The following PIAS2 variants were observed in gnomAD, a reference collection of about 807,000 sequenced individuals.
PIAS2 encodes the protein protein inhibitor of activated STAT 2, also known as E3 SUMO-protein ligase PIAS2.
In PIAS2, 19 loss-of-function variants were observed where a neutral mutation model predicts 69.7. The observed-to-expected ratio is 0.27, with a 90% CI of 0.19 to 0.40. PIAS2 has a LOEUF of 0.40. Among genes scored for constraint, PIAS2 ranks in the 10% least tolerant of loss-of-function variants. The probability of loss-of-function intolerance (pLI) is 1.00; values close to 1 mark genes in which losing one functional copy is unlikely to be tolerated. For synonymous variants in PIAS2, 261 were observed against 263.2 expected (o/e 0.99, Z 0.08); for missense variants, 624 against 757.0 (o/e 0.82, Z 2.06).
chr18:46,824,209 C>T (rs1051198996), intron 11 of PIAS2, among the ~76,000 whole-genome samples: 1 of 152,160 alleles, frequency 6.6e-6, no homozygotes, highest in South Asian at 2.1e-4. Context: ...TTGCATGAAA[C>T]TCACATTTGC....
At chr18:46,846,576 T>A in intron 6 of PIAS2, 131 bp downstream of exon 6, 2 of 906,312 alleles carry the variant, frequency 2.2e-6, no homozygotes, top group South Asian at 2.7e-5. Flanking sequence ...ACCTCTAAAC[T>A]GAAAATTACT....
chr18:46,825,685 T>G (rs549972010), intron 11 of PIAS2, among the ~76,000 whole-genome samples: 26 of 152,368 alleles, frequency 1.7e-4, no homozygotes, highest in African/African-American at 6.3e-4. Context: ...GTATGGATCC[T>G]GGACACTATG....
intron 1 of PIAS2, chr18:46,907,854 C>T (rs1317071357): frequency 6.6e-6 from 1 of 152,098 alleles, no homozygotes; most frequent in Non-Finnish European, 1.5e-5. Flanking sequence ...TAGAACCAAT[C>T]CCCCAGGTAC....
chr18:46,819,519 C>G (rs967748562), intron 12 of PIAS2, among the ~76,000 whole-genome samples: 2 of 152,004 alleles, frequency 1.3e-5, no homozygotes, highest in African/African-American at 4.8e-5. Flanking sequence ...ATTTTATTCA[C>G]ATAATCTAAA....
upstream of PIAS2, chr18:46,920,006 A>G: frequency 8.1e-7 from 1 of 1,227,706 alleles, no homozygotes; most frequent in South Asian, 1.3e-5. Flanking sequence ...AAAGAGGACC[A>G]ACATAAACAC....
chr18:46,868,567 C>T (rs1451889243), intron 2 of PIAS2, among the ~76,000 whole-genome samples: 2 of 152,052 alleles, frequency 1.3e-5, no homozygotes, highest in Non-Finnish European at 2.9e-5. Flanking sequence ...TGCCGTCTGA[C>T]TCCAGCCAAT....
At chr18:46,822,669 CG>C (rs1469156654) in intron 11 of PIAS2, among the ~76,000 whole-genome samples, 1 of 152,070 alleles carries the variant, frequency 6.6e-6, no homozygotes, top group Non-Finnish European at 1.5e-5. Flanking sequence ...AGGGATCAAA[CG>C]AACAGGACAT....
chr18:46,835,358 C>T (rs1258764937), intron 9 of PIAS2, among the ~76,000 whole-genome samples: 1 of 152,088 alleles, frequency 6.6e-6, no homozygotes, highest in East Asian at 1.9e-4. Context: ...TCAAAATAAG[C>T]TAAAAATAAA....
intron 2 of PIAS2, among the ~76,000 whole-genome samples, chr18:46,885,156 T>A (rs2052944350): frequency 6.6e-6 from 1 of 152,134 alleles, no homozygotes; most frequent in Non-Finnish European, 1.5e-5. Context: ...AAATTTTATA[T>A]CAACCCTTTT....
chr18:46,816,478 T>C, intron 12 of PIAS2: 2 of 982,440 alleles, frequency 2.0e-6, no homozygotes, highest in African/African-American at 1.7e-5. Flanking sequence ...CAGATTTTTT[T>C]TTTTTCCTTT....
chr18:46,817,717 T>A (rs1013636148), intron 12 of PIAS2: 1 of 941,276 alleles, frequency 1.1e-6, no homozygotes, highest in African/African-American at 1.8e-5. Context: ...ATATAAAACC[T>A]GTTTAATGTA....
chr18:46,884,513 A>G (rs966422369), intron 2 of PIAS2, among the ~76,000 whole-genome samples: 6 of 151,916 alleles, frequency 3.9e-5, no homozygotes. Flanking sequence ...GGGTTTCACC[A>G]TGTTAGCCAG....
chr18:46,914,531 A>G (rs1357719321), intron 1 of PIAS2, among the ~76,000 whole-genome samples: 2 of 151,840 alleles, frequency 1.3e-5, no homozygotes, highest in African/African-American at 4.8e-5. Context: ...GACCCCCTTA[A>G]CAGTTGCCTA....
chr18:46,919,059 A>G (rs377678221), upstream of PIAS2, among the ~76,000 whole-genome samples: 3 of 151,656 alleles, frequency 2.0e-5, no homozygotes, highest in Admixed American at 6.6e-5. Flanking sequence ...ACACACACAC[A>G]TATTGTTTTG....
intron 1 of PIAS2, among the ~76,000 whole-genome samples, chr18:46,916,206 C>T (rs1230662070): frequency 6.6e-6 from 1 of 152,140 alleles, no homozygotes; most frequent in Non-Finnish European, 1.5e-5. Flanking sequence ...CTTTTGCTCA[C>T]GTCCACTAAG....
chr18:46,850,939 C>T (rs1295200058), intron 5 of PIAS2, among the ~76,000 whole-genome samples: 1 of 152,100 alleles, frequency 6.6e-6, no homozygotes, highest in Non-Finnish European at 1.5e-5. Flanking sequence ...CCTCCAGTGG[C>T]TTTAGTATAA....
intron 3 of PIAS2, among the ~76,000 whole-genome samples, chr18:46,861,624 G>A (rs1367269183): frequency 6.6e-6 from 1 of 152,094 alleles, no homozygotes; most frequent in East Asian, 1.9e-4. Context: ...CATAACTTGA[G>A]GTATTCTTGC....
chr18:46,817,145 G>C (rs1459795675), intron 12 of PIAS2: 4 of 951,888 alleles, frequency 4.2e-6, no homozygotes, highest in Non-Finnish European at 5.0e-6. Flanking sequence ...TTTTACAATA[G>C]CTTCTACCTT....
At chr18:46,841,094 G>C (rs1166269942) in intron 8 of PIAS2, among the ~76,000 whole-genome samples, 1 of 151,694 alleles carries the variant, frequency 6.6e-6, no homozygotes, top group Non-Finnish European at 1.5e-5. Flanking sequence ...AAAATCACTA[G>C]CTGAAATCAC....
Sources: gnomAD v4.1 joint callset for allele counts (sites outside exome capture counted in the v4.1 genomes callset) on GRCh38, gnomAD v4.1.1 for gene constraint, MANE v1.5 for transcripts, NCBI Gene and HGNC (gene_info 2026-07-23, HGNC 2026-07-21) for gene names.